THOP1: variants seen among roughly 807,000 people sequenced by gnomAD.
THOP1 encodes the protein thimet oligopeptidase 1.
A neutral mutation model predicts 71.8 loss-of-function variants in THOP1; 49 were observed. The observed-to-expected ratio is 0.68, with a 90% CI of 0.54 to 0.87. The LOEUF is 0.87. Ranked by LOEUF, THOP1 falls within the 40% of genes least tolerant of loss-of-function variation. THOP1 has a pLI of 0.00. For synonymous variants in THOP1, 426 were observed against 421.5 expected (o/e 1.01, Z -0.13); for missense variants, 843 against 975.6 (o/e 0.86, Z 1.81).
At chr19:2,813,070 C>A in intron 12 of THOP1, 45 bp from the exon 13 acceptor site, 1 of 1,560,642 alleles carries the variant, frequency 6.4e-7, no homozygotes, top group Non-Finnish European at 8.7e-7. Flanking sequence ...CTCTGCCTTC[C>A]TCCCTGGGTC....
In THOP1 at chr19:2,810,415, C is replaced by T. The variant is rs757095482; in HGVS notation, c.1567C>T (p.Arg523Trp). The change falls in exon 10 of 13, where the codon CGG becomes TGG. Residue 523 changes from arginine (R) to tryptophan (W), a missense_variant. Physicochemically the swap from Arg to Trp is moderately radical, Grantham distance 101. Transcript: ENST00000307741. ...WEQEPLLRMS[R>W]HYRTGSAVPR... ...GCAGGAGCCGCTGCTGCGGATGTCG[C>T]GGCACTACCGCACAGGCAGCGCCGT... is the stretch of plus-strand genomic sequence containing the variant. The T allele has an allele frequency of 3.7e-6, 6 of 1,607,582 alleles. No homozygotes were observed. The highest frequency in any genetic ancestry group is 5.1e-6 in the Non-Finnish European group (6 of 1,178,814).
chr19:2,796,244 G>T, intron 4 of THOP1, 56 bp downstream of exon 4: 1 of 1,393,916 alleles, frequency 7.2e-7, no homozygotes. Context: ...CCCGGGGAGT[G>T]CTGGGCACAG....
intron 5 of THOP1, among the ~76,000 whole-genome samples, chr19:2,803,108 G>A (rs895493854): frequency 1.3e-5 from 2 of 152,222 alleles, no homozygotes; most frequent in Non-Finnish European, 2.9e-5. Flanking sequence ...CTCGTCCCAT[G>A]CTCTCCCTGC....
intron 7 of THOP1, 26 bp downstream of exon 7, chr19:2,807,078 G>T (rs1414230524): frequency 2.5e-6 from 4 of 1,594,826 alleles, no homozygotes; most frequent in Non-Finnish European, 3.4e-6. Context: ...TCCTCCACTG[G>T]GGTCCCTGTG....
chr19:2,785,633 G>C lies in THOP1; in HGVS notation c.-30G>C. 2 of 1,507,176 alleles carry C rather than the reference G, an allele frequency of 1.3e-6. No homozygotes were observed. The highest frequency in any genetic ancestry group is 1.8e-6 in the Non-Finnish European group (2 of 1,128,492). 93.4% of individuals were successfully genotyped at this position (1,507,176 alleles called of 1,614,324 possible). A position where few individuals can be genotyped will look rare whatever the true frequency, so the allele number is the denominator to read the frequency against. On this transcript the variant is annotated 5_prime_UTR_variant, in exon 1 of 13. Transcript: ENST00000307741. ...TGGACGCGTAGCAGGTGGAAGGAGGGAGGGAGCCGCAGGCGCAGACCCACC... is the reference window on the plus strand; with the variant it reads ...TGGACGCGTAGCAGGTGGAAGGAGGCAGGGAGCCGCAGGCGCAGACCCACC...
chr19:2,785,719 A>G (rs900262005), intron 1 of THOP1, 41 bp downstream of exon 1: 3 of 1,373,034 alleles, frequency 2.2e-6, no homozygotes, highest in African/African-American at 3.0e-5. Flanking sequence ...CGTCCCCTGC[A>G]CCCTCGCTCC....
chr19:2,813,500 T>C lies in THOP1; in HGVS notation c.*224T>C, dbSNP rs990726801. On this transcript the variant is annotated 3_prime_UTR_variant, in exon 13 of 13. Coordinates refer to ENST00000307741, the MANE Select transcript of THOP1 (RefSeq NM_003249.5). Reference sequence around the variant, plus strand: ...GAGGGCTTTCGTGGCTGCCAGGGCCTGGTCTTTGTTGCACTAACACGTCTC... The same window carrying C: ...GAGGGCTTTCGTGGCTGCCAGGGCCCGGTCTTTGTTGCACTAACACGTCTC... The C allele has an allele frequency of 2.8e-5, 15 of 543,384 alleles. No individual in the cohort carries two copies. The highest frequency in any genetic ancestry group is 2.1e-4 in the African/African-American group (11 of 53,052). The allele number at this position is 543,384 out of a possible 1,614,324, so 33.7% of individuals were successfully genotyped here.
chr19:2,794,966 GGCGCCC>G, intron 3 of THOP1, 54 bp downstream of exon 3: 1 of 1,574,750 alleles, frequency 6.4e-7, no homozygotes, highest in Non-Finnish European at 8.7e-7. Flanking sequence ...TAGGATTACA[GGCGCCC>G]GCCACCACAC....
chr19:2,794,665 G>T, intron 2 of THOP1, 99 bp from the exon 3 acceptor site: 2 of 1,428,470 alleles, frequency 1.4e-6, no homozygotes, highest in Non-Finnish European at 1.9e-6. Flanking sequence ...GTTCACGGGG[G>T]GATTCAGCAG....
chr19:2,810,133 C>A (rs751411254), intron 9 of THOP1, 171 bp from the exon 10 acceptor site: 1 of 830,150 alleles, frequency 1.2e-6, no homozygotes, highest in Non-Finnish European at 1.8e-6. Context: ...CAGCAGCAGC[C>A]CAGGGGCCTC....
rs1228602361 is a variant in THOP1, at chr19:2,810,499, G to T, written c.1642+9G>T. On this transcript the variant is annotated intron_variant, in intron 10 of 12. Transcript: ENST00000307741. ...CCGGCAGGCCAACACAGGTGCACCC[G>T]CCCCGTCCGGGGAAGGGTGCTAACC... 1 of 1,547,084 alleles carries T rather than the reference G, an allele frequency of 6.5e-7. No individual in the cohort carries two copies. Among genetic ancestry groups the T allele is most frequent in the Admixed American group, 2.0e-5 (1 of 50,822 alleles).
rs779550948 is a variant in THOP1 at position 2,806,991 on chromosome 19, C to T, written c.825C>T (p.His275=). 12 of 1,613,054 alleles carry T rather than the reference C, an allele frequency of 7.4e-6. No individual in the cohort carries two copies. The highest frequency in any genetic ancestry group is 4.5e-5 in the East Asian group (2 of 44,872). Residue 275 remains histidine, a synonymous_variant, in exon 7 of 13, where the codon CAC becomes CAT. Transcript: ENST00000307741. The stretch of plus-strand genomic sequence containing the variant: ...CCCGCCTGCTGGGGTTCCACACGCA[C>T]GCCGACTATGTCCTGGAGATGAACA... The part of the protein sequence containing the change: ...QKSRLLGFHT[H]ADYVLEMNMA...
Position 2,808,401 on chromosome 19 carries a change from A to T in THOP1, c.1412A>T (p.Tyr471Phe), listed in dbSNP as rs17855443. 5.7e-4 allele frequency: 926 copies of T among 1,610,490 alleles called. No individual in the cohort carries two copies. Among genetic ancestry groups the T allele is most frequent in the Non-Finnish European group, 7.6e-4 (893 of 1,178,286 alleles). Residue 471 changes from tyrosine to phenylalanine, a missense_variant, in exon 9 of 13, where the codon TAC becomes TTC. Transcript: ENST00000307741. ...SLLQHDEVET[Y>F]FHEFGHVMHQ... is the part of the protein sequence containing the mutation. ...CTGCAGCATGACGAGGTGGAGACCT[A>T]CTTCCATGAGTTTGGCCACGTGATG... is the stretch of plus-strand genomic sequence containing the variant.
At chr19:2,786,575 C>T (rs1915747609) in intron 1 of THOP1, among the ~76,000 whole-genome samples, 1 of 151,878 alleles carries the variant, frequency 6.6e-6, no homozygotes, top group African/African-American at 2.4e-5. Flanking sequence ...GGCGATGTGA[C>T]CTGTGTACTG....
At position 2,796,134 on chromosome 19, in the gene THOP1, G is replaced by T. The variant is rs201758213; in HGVS notation, c.432G>T (p.Arg144=). ...CCGAGGCTGCGCGGTACCTGGAGCG[G>T]CTAATCAAGCTGGGCCGGAGAAATG... ...LRPEAARYLE[R]LIKLGRRNGL... is the part of the protein sequence containing the mutation. Residue 144 remains arginine, a synonymous_variant, in exon 4 of 13, where the codon CGG becomes CGT. Coordinates refer to ENST00000307741, the MANE Select transcript of THOP1 (RefSeq NM_003249.5). 6.2e-7 allele frequency: 1 copy of T among 1,613,892 alleles called. No individual in the cohort carries two copies. Among genetic ancestry groups the T allele is most frequent in the East Asian group, 2.2e-5 (1 of 44,876 alleles).
chr19:2,789,932 T>C, intron 1 of THOP1: 1 of 160,054 alleles, frequency 6.2e-6, no homozygotes, highest in South Asian at 1.4e-4. Flanking sequence ...TTTTTGTATT[T>C]TTGGTACAGA....
At position 2,790,401 on chromosome 19, in the gene THOP1, TG is replaced by T; in HGVS notation, c.17-17del. ...AACCGAAAGCAGACCCGCCCGGCAC[TG>T]GGTTTTGTTTCTGCGTAGCCTGTGC... On this transcript the variant is annotated intron_variant, in intron 1 of 12. Coordinates refer to ENST00000307741, the MANE Select transcript of THOP1 (RefSeq NM_003249.5). 1 of 1,508,634 alleles carries T rather than the reference TG, an allele frequency of 6.6e-7. No individual in the cohort carries two copies. Among genetic ancestry groups the T allele is most frequent in the East Asian group, 2.3e-5 (1 of 42,624 alleles). The allele number at this position is 1,508,634 out of a possible 1,614,324, so 93.5% of individuals were successfully genotyped here.
Position 2,804,735 on chromosome 19 carries a change from C to T in THOP1, c.590-281C>T. On this transcript the variant is annotated intron_variant, in intron 5 of 12. Coordinates refer to ENST00000307741, the MANE Select transcript of THOP1 (RefSeq NM_003249.5). This position sits in a 1 kb window ranked among gnomAD's most constrained non-coding sequence, Gnocchi z 4.7. Reference sequence around the variant, plus strand: ...CTTTAACCTCTCTGGGGCAGGAGATCCTGCTCTGAGGATGCTGGGGGGTTT... The same window carrying T: ...CTTTAACCTCTCTGGGGCAGGAGATTCTGCTCTGAGGATGCTGGGGGGTTT... The T allele has an allele frequency of 2.7e-6, 1 of 377,214 alleles. No individual in the cohort carries two copies. 23.4% of individuals were successfully genotyped at this position (377,214 alleles called of 1,614,324 possible).
Position 2,813,413 on chromosome 19 carries a change from C to T in THOP1, c.*137C>T. On this transcript the variant is annotated 3_prime_UTR_variant, in exon 13 of 13. Coordinates refer to ENST00000307741, the MANE Select transcript of THOP1 (RefSeq NM_003249.5). ...GCTGAGCGGCTGTCTTGCCTCTTGT[C>T]ATTGTCTGTCCCCACCCGGTCGTGG... is the stretch of plus-strand genomic sequence containing the variant. 1 of 1,141,170 alleles carries T rather than the reference C, an allele frequency of 8.8e-7. No individual in the cohort carries two copies. The highest frequency in any genetic ancestry group is 1.6e-5 in the South Asian group (1 of 61,052). The allele number at this position is 1,141,170 out of a possible 1,614,324, so 70.7% of individuals were successfully genotyped here. A position where few individuals can be genotyped will look rare whatever the true frequency, so the allele number is the denominator to read the frequency against.
Sources: allele counts gnomAD v4.1 joint callset (sites outside exome capture counted in the v4.1 genomes callset), GRCh38; gene constraint gnomAD v4.1.1; non-coding constraint Gnocchi (gnomAD v3.1); transcripts MANE v1.5; gene names NCBI Gene and HGNC (gene_info 2026-07-23, HGNC 2026-07-21).